The following TAX1BP1 variants were observed in gnomAD, a reference collection of about 807,000 sequenced individuals.
TAX1BP1 encodes the protein tax1-binding protein 1.
TAX1BP1 carries 62 observed loss-of-function variants against 97.7 expected under a neutral mutation model. That is an observed-to-expected ratio of 0.63 (90% CI 0.52 to 0.78). TAX1BP1 has a LOEUF of 0.78. Ranked by LOEUF, TAX1BP1 falls within the 30% of genes least tolerant of loss-of-function variation. The pLI is 0.00. For synonymous variants in TAX1BP1, 340 were observed against 304.2 expected (o/e 1.12, Z -1.23); for missense variants, 867 against 916.1 (o/e 0.95, Z 0.69).
chr7:27,756,137 A>T (rs917081711), intron 2 of TAX1BP1, among the ~76,000 whole-genome samples: 4 of 152,164 alleles, frequency 2.6e-5, no homozygotes, highest in African/African-American at 9.7e-5. Flanking sequence ...TTATTATTGC[A>T]GTGGACTCCT....
intron 12 of TAX1BP1, among the ~76,000 whole-genome samples, chr7:27,797,349 C>T (rs564141494): frequency 6.6e-6 from 1 of 152,130 alleles, no homozygotes; most frequent in East Asian, 1.9e-4. Context: ...TTGCAGCCTT[C>T]TTGGTGTAGT....
At chr7:27,780,113 A>G (rs1789195503) in intron 5 of TAX1BP1, among the ~76,000 whole-genome samples, 5 of 152,328 alleles carry the variant, frequency 3.3e-5, no homozygotes, top group Admixed American at 3.3e-4. Context: ...GCCACAACAC[A>G]CAACACCAAT....
In TAX1BP1 at chr7:27,829,092, C is replaced by G. The variant is rs924438881; in HGVS notation, c.*263C>G. The G allele has an allele frequency of 5.9e-6, 2 of 341,610 alleles. No homozygotes were observed. The highest frequency in any genetic ancestry group is 4.2e-5 in the African/African-American group (2 of 47,430). The allele number at this position is 341,610 out of a possible 1,614,324, so 21.2% of individuals were successfully genotyped here. A position where few individuals can be genotyped will look rare whatever the true frequency, so the allele number is the denominator to read the frequency against. ...GTATCTTTATTTATTCCCTAGTTTG[C>G]AGAACTGTCTGAATAAAGGATACAA... On this transcript the variant is annotated 3_prime_UTR_variant, in exon 17 of 17. Transcript: ENST00000396319.
chr7:27,754,838 C>G (rs1387344846), intron 2 of TAX1BP1, among the ~76,000 whole-genome samples: 1 of 152,160 alleles, frequency 6.6e-6, no homozygotes, highest in Non-Finnish European at 1.5e-5. Flanking sequence ...CCACCTCAGT[C>G]TCCCAAAGTG....
intron 13 of TAX1BP1, among the ~76,000 whole-genome samples, chr7:27,803,683 G>GA (rs112843111): frequency 0.041 from 6,238 of 151,028 alleles, 399 homozygotes; most frequent in African/African-American, 0.14. Flanking sequence ...TCACAGTAGA[G>GA]AAAAAAAAAG....
chr7:27,782,450 A>G (rs1046316717), intron 5 of TAX1BP1, among the ~76,000 whole-genome samples: 2 of 151,820 alleles, frequency 1.3e-5, no homozygotes, highest in Non-Finnish European at 2.9e-5. Flanking sequence ...GGATTTCACC[A>G]TGTTGGCCAG....
At chr7:27,785,045 G>T in intron 5 of TAX1BP1, 118 bp from the exon 6 acceptor site, 1 of 995,138 alleles carries the variant, frequency 1.0e-6, no homozygotes, top group Non-Finnish European at 1.4e-6. Flanking sequence ...CTCAAATTTG[G>T]AGGGAACAAA....
intron 12 of TAX1BP1, among the ~76,000 whole-genome samples, chr7:27,798,244 G>A (rs1457187057): frequency 6.6e-6 from 1 of 151,334 alleles, no homozygotes; most frequent in Non-Finnish European, 1.5e-5. Context: ...TTTTCGGCTG[G>A]TACAAATAAA....
At chr7:27,752,337 T>C (rs1029604) in intron 2 of TAX1BP1, among the ~76,000 whole-genome samples, 140,511 of 152,242 alleles carry the variant, frequency 0.92, 65,043 homozygotes, top group East Asian at 1. Flanking sequence ...AGATAATTGG[T>C]CTTGCTACTG....
chr7:27,786,225 G>A (rs536746911), intron 7 of TAX1BP1, among the ~76,000 whole-genome samples: 3 of 150,964 alleles, frequency 2.0e-5, no homozygotes, highest in African/African-American at 2.4e-5. Context: ...TCTGCCTCTC[G>A]GGTTCACGCC....
intron 12 of TAX1BP1, among the ~76,000 whole-genome samples, chr7:27,797,844 C>CTT (rs67838846): frequency 4.3e-4 from 58 of 135,346 alleles, no homozygotes; most frequent in Non-Finnish European, 7.6e-4. Context: ...CCTCAGGGTG[C>CTT]TTTTTTTTTT....
chr7:27,824,127 G>A (rs148007475), intron 15 of TAX1BP1, among the ~76,000 whole-genome samples: 101 of 151,964 alleles, frequency 6.6e-4, no homozygotes, highest in African/African-American at 2.3e-3. Context: ...AGTTCTTTTG[G>A]GCATATACCC....
chr7:27,758,275 C>G, intron 3 of TAX1BP1, 142 bp downstream of exon 3: 1 of 528,528 alleles, frequency 1.9e-6, no homozygotes, highest in Non-Finnish European at 3.3e-6. Context: ...AGCAAAAGCC[C>G]TAAGAATGTA....
rs546007579 is a variant in TAX1BP1, at chr7:27,741,817, C to G, written c.-8+1548C>G. On this transcript the variant is annotated intron_variant, in intron 1 of 16. Coordinates refer to ENST00000396319, the MANE Select transcript of TAX1BP1 (RefSeq NM_006024.7). ...AGGATCCCGCCAGCCTCTGAGTTCCCTTAGTATTTATTGATCATTTGTGGG... is the reference window on the plus strand; with the variant it reads ...AGGATCCCGCCAGCCTCTGAGTTCCGTTAGTATTTATTGATCATTTGTGGG... 9.7e-3 allele frequency among the ~76,000 whole-genome samples: 1,470 copies of G among 152,236 alleles called. 15 individuals carry two copies. The highest frequency in any genetic ancestry group is 0.03 in the African/African-American group (1,228 of 41,532).
At chr7:27,790,875 T>C (rs886380439) in intron 8 of TAX1BP1, among the ~76,000 whole-genome samples, 23 of 152,134 alleles carry the variant, frequency 1.5e-4, no homozygotes, top group Non-Finnish European at 2.6e-4. Context: ...TGATCTTTGT[T>C]AGTTTGAAAG....
chr7:27,782,338 G>A (rs925061375), intron 5 of TAX1BP1, among the ~76,000 whole-genome samples: 1 of 152,024 alleles, frequency 6.6e-6, no homozygotes, highest in Non-Finnish European at 1.5e-5. Flanking sequence ...GTGTGTTCAA[G>A]CAATTCTCCT....
chr7:27,798,629 A>G (rs1790022337), intron 12 of TAX1BP1, among the ~76,000 whole-genome samples: 1 of 146,500 alleles, frequency 6.8e-6, no homozygotes, highest in Non-Finnish European at 1.5e-5. Context: ...GCACCACTGC[A>G]CTCCAGCCTG....
At chr7:27,766,297 G>A in intron 4 of TAX1BP1, among the ~76,000 whole-genome samples, 1 of 151,910 alleles carries the variant, frequency 6.6e-6, no homozygotes. Context: ...GCAGGCACCT[G>A]TAGTCCCAGC....
intron 13 of TAX1BP1, among the ~76,000 whole-genome samples, chr7:27,806,088 G>T (rs1236694916): frequency 2.1e-5 from 3 of 142,640 alleles, no homozygotes; most frequent in East Asian, 2.1e-4. Context: ...TAGAGTTTCA[G>T]TTTTTTTTTT....
Sources: gnomAD v4.1 joint callset for allele counts (sites outside exome capture counted in the v4.1 genomes callset) on GRCh38, gnomAD v4.1.1 for gene constraint, MANE v1.5 for transcripts, NCBI Gene and HGNC (gene_info 2026-07-23, HGNC 2026-07-21) for gene names.